The following NMNAT2 variants were observed in gnomAD, a reference collection of about 807,000 sequenced individuals.
NMNAT2 encodes the protein nicotinamide/nicotinic acid mononucleotide adenylyltransferase 2.
Under a neutral mutation model 41.6 loss-of-function variants are expected in NMNAT2, and 11 were observed. The observed-to-expected ratio is 0.26, with a 90% CI of 0.17 to 0.44. The LOEUF is 0.44. Ranked by LOEUF, NMNAT2 falls within the 20% of genes least tolerant of loss-of-function variation. NMNAT2 has a pLI of 1.00. For missense variants in NMNAT2, 288 were observed against 407.7 expected (o/e 0.71, Z 2.53); for synonymous variants, 148 against 151.2 (o/e 0.98, Z 0.16).
chr1:183,306,055 T>C (rs1661986389), intron 1 of NMNAT2, among the ~76,000 whole-genome samples: 1 of 152,126 alleles, frequency 6.6e-6, no homozygotes. Flanking sequence ...TTATCTTCCC[T>C]CTCTACTTCC....
At chr1:183,372,316 G>A (rs1663566150) in intron 1 of NMNAT2, among the ~76,000 whole-genome samples, 3 of 152,060 alleles carry the variant, frequency 2.0e-5, no homozygotes, top group Non-Finnish European at 2.9e-5. Flanking sequence ...AAACCGAGAA[G>A]GTGGAAACAG....
At chr1:183,373,133 G>A (rs1663588017) in intron 1 of NMNAT2, among the ~76,000 whole-genome samples, 1 of 152,234 alleles carries the variant, frequency 6.6e-6, no homozygotes, top group Non-Finnish European at 1.5e-5. Flanking sequence ...CCTAGGTGGT[G>A]AGAGAGGCCC....
At position 183,418,178 on chromosome 1, in the gene NMNAT2, C is replaced by G; in HGVS notation, c.85+5G>C. 1 of 1,613,108 alleles carries G rather than the reference C, an allele frequency of 6.2e-7. No individual in the cohort carries two copies. Among genetic ancestry groups the G allele is most frequent in the Non-Finnish European group, 8.5e-7 (1 of 1,179,196 alleles). On this transcript the variant is annotated splice_donor_5th_base_variant and intron_variant, in intron 1 of 10. Coordinates refer to ENST00000287713, the MANE Select transcript of NMNAT2 (RefSeq NM_015039.4). Reference sequence around the variant, plus strand: ...CGGCTTCCAGAGGTGGGCGGGAGGACTCACCAAACATCTGAATGTGCCCTT... The same window carrying G: ...CGGCTTCCAGAGGTGGGCGGGAGGAGTCACCAAACATCTGAATGTGCCCTT...
intron 1 of NMNAT2, among the ~76,000 whole-genome samples, chr1:183,325,451 G>T (rs569545421): frequency 1.3e-5 from 2 of 152,326 alleles, no homozygotes; most frequent in East Asian, 3.9e-4. Context: ...AATGAGAAGT[G>T]TCGTATTCTT....
rs1557897795 is a variant in NMNAT2 at position 183,389,836 on chromosome 1, GAAAGA to G, written c.85+28342_85+28346del. Among the ~76,000 whole-genome samples the G allele has an allele frequency of 9.3e-4, 50 of 53,696 alleles. 1 individual carries two copies. The highest frequency in any genetic ancestry group is 2.0e-3 in the African/African-American group (33 of 16,490). The allele number at this position is 53,696 out of a possible 152,430, so 35.2% of individuals were successfully genotyped here. A position where few individuals can be genotyped will look rare whatever the true frequency, so the allele number is the denominator to read the frequency against. On this transcript the variant is annotated intron_variant, in intron 1 of 10. Transcript: ENST00000287713. ...AGAAAGAAAGAAAGAAAGAAAGAAA[GAAAGA>G]AAGGAAAAAAGAGAAAGAAAGAAAG...
chr1:183,392,553 G>A (rs1648513437), intron 1 of NMNAT2, among the ~76,000 whole-genome samples: 1 of 152,094 alleles, frequency 6.6e-6, no homozygotes, highest in Non-Finnish European at 1.5e-5. Flanking sequence ...TTCTCCATTG[G>A]AGTAAAAGCC....
At chr1:183,283,689 G>A (rs1249447970) in intron 7 of NMNAT2, 8 of 416,722 alleles carry the variant, frequency 1.9e-5, no homozygotes, top group Non-Finnish European at 2.7e-5. Flanking sequence ...CAAAAGAAGG[G>A]TCTTTCCAGC....
intron 1 of NMNAT2, among the ~76,000 whole-genome samples, chr1:183,298,289 C>T (rs1463414715): frequency 6.6e-6 from 1 of 152,044 alleles, no homozygotes; most frequent in African/African-American, 2.4e-5. Context: ...GATGATCTAC[C>T]TAGAAATCCC....
At chr1:183,293,616 G>C in intron 2 of NMNAT2, 89 bp downstream of exon 2, 1 of 914,724 alleles carries the variant, frequency 1.1e-6, no homozygotes, top group South Asian at 1.3e-5. Context: ...AGCAGAGACA[G>C]AGCGGGGGCA....
intron 1 of NMNAT2, among the ~76,000 whole-genome samples, chr1:183,405,370 G>T (rs565943165): frequency 2.6e-5 from 4 of 152,306 alleles, no homozygotes; most frequent in African/African-American, 9.6e-5. Context: ...CTGGGTGATA[G>T]GTGCATCAAG....
rs80344665 is a variant in NMNAT2, at chr1:183,365,795, C to T, written c.85+52388G>A. On this transcript the variant is annotated intron_variant, in intron 1 of 10. Coordinates refer to ENST00000287713, the MANE Select transcript of NMNAT2 (RefSeq NM_015039.4). ...CAGCCCCTGAGAGATGTCTGAGACA[C>T]GGTGTTGTATAAACCCCAGGTATGT... 2.4e-3 allele frequency among the ~76,000 whole-genome samples: 362 copies of T among 152,098 alleles called. 4 individuals are homozygous for T. The highest frequency in any genetic ancestry group is 4.0e-3 in the Non-Finnish European group (275 of 67,990).
intron 1 of NMNAT2, among the ~76,000 whole-genome samples, chr1:183,380,801 G>A (rs1385841320): frequency 6.6e-6 from 1 of 152,216 alleles, no homozygotes; most frequent in Admixed American, 6.5e-5. Context: ...AGTAGAATGT[G>A]AGAGGAAAAG....
intron 1 of NMNAT2, among the ~76,000 whole-genome samples, chr1:183,354,395 A>T (rs1663134970): frequency 6.8e-6 from 1 of 146,644 alleles, no homozygotes; most frequent in African/African-American, 2.5e-5. Context: ...CTTGCCTGTG[A>T]CCATCTTTAA....
chr1:183,289,193 G>C (rs1661469717), intron 4 of NMNAT2, among the ~76,000 whole-genome samples: 1 of 152,234 alleles, frequency 6.6e-6, no homozygotes, highest in African/African-American at 2.4e-5. Flanking sequence ...CTGTAGGAGG[G>C]CAGTGCCAGG....
At chr1:183,289,303 C>T (rs191761879) in intron 4 of NMNAT2, among the ~76,000 whole-genome samples, 14 of 152,306 alleles carry the variant, frequency 9.2e-5, no homozygotes, top group Admixed American at 5.9e-4. Context: ...TTCTCGCCAT[C>T]GGTGGCATTG....
chr1:183,373,335 G>T (rs1418634144), intron 1 of NMNAT2, among the ~76,000 whole-genome samples: 2 of 152,192 alleles, frequency 1.3e-5, no homozygotes, highest in Non-Finnish European at 2.9e-5. Flanking sequence ...GATTGCAAAA[G>T]GGTCCTTTAC....
chr1:183,339,539 C>G (rs1662750556), intron 1 of NMNAT2, among the ~76,000 whole-genome samples: 1 of 152,074 alleles, frequency 6.6e-6, no homozygotes, highest in South Asian at 2.1e-4. Flanking sequence ...GGTTCAAATC[C>G]CAGAGCTGAA....
intron 1 of NMNAT2, among the ~76,000 whole-genome samples, chr1:183,330,983 TCTTTC>T (rs766792435): frequency 1.3e-5 from 2 of 152,304 alleles, no homozygotes; most frequent in East Asian, 3.9e-4. Context: ...CTGTTTCTTT[TCTTTC>T]CTTTCATTTC....
intron 10 of NMNAT2, among the ~76,000 whole-genome samples, chr1:183,254,071 G>A (rs546242602): frequency 3.0e-4 from 45 of 152,248 alleles, no homozygotes; most frequent in Admixed American, 2.3e-3. Flanking sequence ...CCTTTACAAG[G>A]TGGTGATTTC....
Sources: allele counts gnomAD v4.1 joint callset (sites outside exome capture counted in the v4.1 genomes callset), GRCh38; gene constraint gnomAD v4.1.1; transcripts MANE v1.5; gene names NCBI Gene and HGNC (gene_info 2026-07-23, HGNC 2026-07-21).